ZNF614: variants seen among roughly 807,000 people sequenced by gnomAD.
The protein encoded by ZNF614 is zinc finger protein 614.
In ZNF614, 11 loss-of-function variants were observed where a neutral mutation model predicts 12.8. The ratio of observed to expected loss-of-function variants is 0.86; its 90% CI spans 0.54 to 1.43. ZNF614 has a LOEUF of 1.43. ZNF614 is among the 40% of genes most tolerant of loss of function. The pLI is 0.00. For synonymous variants in ZNF614, 237 were observed against 237.5 expected, an observed-to-expected ratio of 1.00 and a Z score of 0.02; for missense variants, 664 against 708.8, an observed-to-expected ratio of 0.94 and a Z score of 0.72.
chr19:52,016,330 C>A lies in ZNF614; in HGVS notation c.1268G>T (p.Gly423Val), dbSNP rs750836596. The change falls in exon 5 of 5, where the codon GGA becomes GTA. Residue 423 changes from glycine to valine, a missense_variant. Coordinates refer to ENST00000270649, the MANE Select transcript of ZNF614 (RefSeq NM_025040.4). Reference sequence around the variant, plus strand: ...TTCATTGCATATGTAAGATTTCTCTCCTGTATGAGTTCGCTGATGTATAAC... The same window carrying A: ...TTCATTGCATATGTAAGATTTCTCTACTGTATGAGTTCGCTGATGTATAAC... ...TLVIHQRTHT[G>V]EKSYICNECG... The A allele has an allele frequency of 2.5e-6, 4 of 1,610,560 alleles. No individual in the cohort carries two copies. In the East Asian group the frequency reaches 6.7e-5, roughly 27 times the overall value.
In ZNF614 at chr19:52,017,990, T is replaced by G. The variant is rs745474656; in HGVS notation, c.238+18A>C. On this transcript the variant is annotated intron_variant, in intron 4 of 4. Coordinates refer to ENST00000270649, the MANE Select transcript of ZNF614 (RefSeq NM_025040.4). ...AATAAGACTCCTATAGCCACTGTCC[T>G]TGCTGGTTCTCACTTACCTGGACAA... 11 of 1,597,270 alleles carry G rather than the reference T, an allele frequency of 6.9e-6. No homozygotes were observed. The highest frequency in any genetic ancestry group is 9.4e-6 in the Non-Finnish European group (11 of 1,166,090).
At position 52,018,445 on chromosome 19, in the gene ZNF614, C is replaced by T. The variant is rs1411670707; in HGVS notation, c.65G>A (p.Trp22Ter). The T allele has an allele frequency of 5.6e-6, 9 of 1,614,112 alleles. No homozygotes were observed. Among genetic ancestry groups the T allele is most frequent in the African/African-American group, 1.3e-5 (1 of 75,022 alleles). The change falls in exon 3 of 5, where the codon TGG becomes TAG. Residue 22 changes from tryptophan to a stop codon, truncating the protein, a stop_gained. Coordinates refer to ENST00000270649, the MANE Select transcript of ZNF614 (RefSeq NM_025040.4). LOFTEE classifies it high-confidence loss of function. ...DVAVEFSWEE[W>*]QLLDTAQKNL... ...CTTCTGAGCAGTGTCCAGGAGCTGC[C>T]ACTCCTCCCAGCTGAATTCCACAGC...
Position 52,016,464 on chromosome 19 carries a change from T to C in ZNF614, c.1134A>G (p.Lys378=). ...TGAGATTGCTCTTCACGGTAAAGCC[T>C]TTTCCACATTCACTGCACATATAGG... The part of the protein sequence containing the change: ...EKPYMCSECG[K]GFTVKSNLIV... Residue 378 remains lysine (K), a synonymous_variant, in exon 5 of 5, where the codon AAA becomes AAG. Transcript: ENST00000270649. The C allele has an allele frequency of 6.2e-7, 1 of 1,614,166 alleles. No individual in the cohort carries two copies. Among genetic ancestry groups the C allele is most frequent in the Middle Eastern group, 1.6e-4 (1 of 6,062 alleles).
chr19:52,016,798 C>A lies in ZNF614; in HGVS notation c.800G>T (p.Gly267Val), dbSNP rs547062799. ...KICIPNEYRK[G>V]STVKSSLITH... ...AATGAGACTACTCTTCACAGTAGAG[C>A]CTTTTCTATATTCATTGGGTATACA... is the stretch of plus-strand genomic sequence containing the variant. Residue 267 changes from glycine to valine, a missense_variant, in exon 5 of 5, where the codon GGC becomes GTC. By Grantham distance (109) the Gly-to-Val change is moderately radical. Coordinates refer to ENST00000270649, the MANE Select transcript of ZNF614 (RefSeq NM_025040.4). The A allele has an allele frequency of 5.6e-6, 9 of 1,613,858 alleles. No homozygotes were observed. The South Asian group carries it at 8.8e-5, about 16-fold the overall frequency.
Position 52,016,316 on chromosome 19 carries a change from T to TA in ZNF614, c.1281_1282insT (p.Ile428TyrfsTer4), listed in dbSNP as rs2086896700. 2 of 1,613,918 alleles carry TA rather than the reference T, an allele frequency of 1.2e-6. No homozygotes were observed. The highest frequency in any genetic ancestry group is 1.3e-5 in the African/African-American group (1 of 74,892). ...AAGCCTTTACCACATTCATTGCATA[T>TA]GTAAGATTTCTCTCCTGTATGAGTT... is the stretch of plus-strand genomic sequence containing the variant. On this transcript the variant is annotated frameshift_variant, in exon 5 of 5. Transcript: ENST00000270649. LOFTEE classifies it low-confidence loss of function (END_TRUNC).
At chr19:52,019,858 A>T (rs1022596380) in intron 2 of ZNF614, among the ~76,000 whole-genome samples, 1 of 152,220 alleles carries the variant, frequency 6.6e-6, no homozygotes, top group East Asian at 1.9e-4. Context: ...AGATCCAAGG[A>T]AATACTGATA....
At position 52,017,204 on chromosome 19, in the gene ZNF614, A is replaced by G. The variant is rs754376822; in HGVS notation, c.394T>C (p.Leu132=). ...CTTGATTTCAAATTTTTTCTGTACA[A>G]GTCAAATGTATCATGATTTTGCACT... ...PIVQNHDTFD[L]YRKNLKSSLS... is the part of the protein sequence containing the mutation. Residue 132 remains leucine, a synonymous_variant, in exon 5 of 5, where the codon TTG becomes CTG. Coordinates refer to ENST00000270649, the MANE Select transcript of ZNF614 (RefSeq NM_025040.4). 17 of 1,614,050 alleles carry G rather than the reference A, an allele frequency of 1.1e-5. No homozygotes were observed. Among genetic ancestry groups the G allele is most frequent in the Non-Finnish European group, 1.4e-5 (17 of 1,180,048 alleles).
intron 1 of ZNF614, 39 bp from the exon 2 acceptor site, chr19:52,026,000 G>T: frequency 2.1e-6 from 1 of 468,174 alleles, no homozygotes. Context: ...ATTAACCCTG[G>T]GTCCAGACAT....
chr19:52,025,598 C>G, intron 2 of ZNF614, 133 bp downstream of exon 2: 1 of 1,012,510 alleles, frequency 9.9e-7, no homozygotes, highest in Non-Finnish European at 1.5e-6. Context: ...AATGAACCCC[C>G]ACCTCTACTC....
chr19:52,019,855 A>T (rs1006814334), intron 2 of ZNF614, among the ~76,000 whole-genome samples: 1 of 152,216 alleles, frequency 6.6e-6, no homozygotes, highest in African/African-American at 2.4e-5. Context: ...CTAAGATCCA[A>T]GGAAATACTG....
chr19:52,021,650 G>A (rs1031781515), intron 2 of ZNF614, among the ~76,000 whole-genome samples: 18 of 151,976 alleles, frequency 1.2e-4, no homozygotes, highest in African/African-American at 4.4e-4. Context: ...GGCTAAGGCA[G>A]GCAGATGGTG....
chr19:52,018,345 T>C, intron 3 of ZNF614, 23 bp downstream of exon 3: 1 of 1,613,796 alleles, frequency 6.2e-7, no homozygotes, highest in Non-Finnish European at 8.5e-7. Flanking sequence ...CACCTCTAGG[T>C]GACACAGGGA....
rs1435324867 is a variant in ZNF614, at chr19:52,016,726, T to A, written c.872A>T (p.Glu291Val). The change falls in exon 5 of 5, where the codon GAG becomes GTG. Residue 291 changes from glutamate (E) to valine (V), a missense_variant. Physicochemically the swap from Glu to Val is moderately radical, Grantham distance 121 (BLOSUM62 -2). Coordinates refer to ENST00000270649, the MANE Select transcript of ZNF614 (RefSeq NM_025040.4). ...CTTCATTGTAAAGCCCTTTCCACAC[T>A]CACTGCACATATAGGATTTCTCTTC... ...HTEEKSYMCS[E>V]CGKGFTMKRY... 3.1e-6 allele frequency: 5 copies of A among 1,614,206 alleles called. No homozygotes were observed. Among genetic ancestry groups the A allele is most frequent in the Non-Finnish European group, 8.5e-7 (1 of 1,180,050 alleles).
In ZNF614 at chr19:52,016,867, A is replaced by G; in HGVS notation, c.731T>C (p.Val244Ala). Reference protein sequence around the residue: ...SGQCEKLSRSVLFTKHLKTNT... With the variant: ...SGQCEKLSRSALFTKHLKTNT... Reference sequence around the variant, plus strand: ...AGTTTTCAGATGCTTAGTGAACAGGACACTTCTGGATAATTTCTCACATTG... The same window carrying G: ...AGTTTTCAGATGCTTAGTGAACAGGGCACTTCTGGATAATTTCTCACATTG... Residue 244 changes from valine (V) to alanine (A), a missense_variant, in exon 5 of 5, where the codon GTC (valine) becomes GCC (alanine). Transcript: ENST00000270649. 1 of 1,613,734 alleles carries G rather than the reference A, an allele frequency of 6.2e-7. No individual in the cohort carries two copies. Among genetic ancestry groups the G allele is most frequent in the Non-Finnish European group, 8.5e-7 (1 of 1,180,016 alleles).
intron 2 of ZNF614, among the ~76,000 whole-genome samples, chr19:52,021,207 C>A (rs926560795): frequency 2.0e-5 from 3 of 152,148 alleles, no homozygotes; most frequent in Admixed American, 6.5e-5. Context: ...ATCCTCCCAA[C>A]AACCACATAA....
At chr19:52,026,624 C>A (rs988670884) in intron 1 of ZNF614, among the ~76,000 whole-genome samples, 2 of 152,190 alleles carry the variant, frequency 1.3e-5, no homozygotes, top group Non-Finnish European at 2.9e-5. Context: ...TACCCCGACA[C>A]CTGTAAAGGG....
At chr19:52,023,078 CAAAAAAAAAAAAA>C in intron 2 of ZNF614, among the ~76,000 whole-genome samples, 1 of 43,306 alleles carries the variant, frequency 2.3e-5, no homozygotes. Flanking sequence ...GACGCCATCT[CAAAAAAAAAAAAA>C]GAAAAAAAAA....
At chr19:52,021,055 C>CT (rs1256812286) in intron 2 of ZNF614, among the ~76,000 whole-genome samples, 1 of 152,168 alleles carries the variant, frequency 6.6e-6, no homozygotes, top group Non-Finnish European at 1.5e-5. Flanking sequence ...CTAGCAGAAT[C>CT]TGTCATTTTC....
chr19:52,022,169 C>T (rs919101979), intron 2 of ZNF614, among the ~76,000 whole-genome samples: 2 of 152,222 alleles, frequency 1.3e-5, no homozygotes, highest in African/African-American at 4.8e-5. Context: ...ACAACCAATT[C>T]TCCAATTATC....
Sources: gnomAD v4.1 joint callset for allele counts (sites outside exome capture counted in the v4.1 genomes callset) on GRCh38, gnomAD v4.1.1 for gene constraint, MANE v1.5 for transcripts, NCBI Gene and HGNC (gene_info 2026-07-23, HGNC 2026-07-21) for gene names.